Variants in CNTNAP2 observed in about 807,000 individuals in gnomAD.
CNTNAP2 encodes contactin-associated protein-like 2.
CNTNAP2 carries 98 observed loss-of-function variants against 155.2 expected under a neutral mutation model. That is an observed-to-expected ratio of 0.63 (90% CI 0.54 to 0.75). The LOEUF is 0.75. Among genes scored for constraint, CNTNAP2 ranks in the 30% least tolerant of loss-of-function variants. CNTNAP2 has a pLI of 0.00. For missense variants in CNTNAP2, 1,727 were observed against 1,688.1 expected (o/e 1.02, Z -0.40); for synonymous variants, 651 against 631.2 (o/e 1.03, Z -0.47).
chr7:146,398,156 G>A (rs1307388777), intron 1 of CNTNAP2, among the ~76,000 whole-genome samples: 5 of 147,968 alleles, frequency 3.4e-5, no homozygotes, highest in Non-Finnish European at 7.4e-5. Flanking sequence ...AGGGACTATA[G>A]GTGTGAGCAC....
At chr7:146,492,067 G>A (rs1477050234) in intron 1 of CNTNAP2, among the ~76,000 whole-genome samples, 1 of 152,142 alleles carries the variant, frequency 6.6e-6, no homozygotes, top group African/African-American at 2.4e-5. Context: ...GAAACGCAAT[G>A]TCTCTAGAAA....
intron 9 of CNTNAP2, among the ~76,000 whole-genome samples, chr7:147,307,586 A>C (rs1238240737): frequency 7.3e-6 from 1 of 136,516 alleles, no homozygotes; most frequent in Admixed American, 7.3e-5. Flanking sequence ...TCCATACCCC[A>C]CCTGCCCCCC....
rs189254095 is a variant in CNTNAP2 at position 148,403,178 on chromosome 7, C to T, written c.3716-6213C>T. On this transcript the variant is annotated intron_variant, in intron 22 of 23. Transcript: ENST00000361727. ...GTACGTTCCTGGGAGAAGACTCTCCCATCATCAATTCCTCCAGCAATATGT... is the reference window on the plus strand; with the variant it reads ...GTACGTTCCTGGGAGAAGACTCTCCTATCATCAATTCCTCCAGCAATATGT... Among the ~76,000 whole-genome samples, 5 of 150,300 alleles carry T rather than the reference C, an allele frequency of 3.3e-5. No individual in the cohort carries two copies. In the East Asian group the frequency reaches 9.8e-4, roughly 30 times the overall value.
At chr7:147,988,204 G>C (rs899176258) in intron 15 of CNTNAP2, among the ~76,000 whole-genome samples, 2 of 152,154 alleles carry the variant, frequency 1.3e-5, no homozygotes, top group African/African-American at 2.4e-5. Flanking sequence ...TTCATGTTAA[G>C]ATAAAAGATT....
intron 3 of CNTNAP2, among the ~76,000 whole-genome samples, chr7:147,028,037 A>C (rs190578990): frequency 5.6e-4 from 85 of 152,324 alleles, no homozygotes; most frequent in Admixed American, 4.4e-3. Context: ...GGATATGGGA[A>C]TCAGTCTCCA....
intron 13 of CNTNAP2, among the ~76,000 whole-genome samples, chr7:147,792,132 C>T (rs920815432): frequency 8.5e-5 from 13 of 152,164 alleles, no homozygotes; most frequent in African/African-American, 2.4e-4. Context: ...TCTTTCTCCA[C>T]GTATTATAGT....
At position 148,417,600 on chromosome 7, in the gene CNTNAP2, T is replaced by G. The variant is rs1800024395; in HGVS notation, c.*1984T>G. On this transcript the variant is annotated 3_prime_UTR_variant, in exon 24 of 24. Coordinates refer to ENST00000361727, the MANE Select transcript of CNTNAP2 (RefSeq NM_014141.6). ...CAAATGACATATTGAAAGCAAAGGC[T>G]GTTTTATTTAGCCAAGATGATTACC... 6.6e-6 allele frequency: 1 copy of G among 152,386 alleles called. No homozygotes were observed. The highest frequency in any genetic ancestry group is 2.1e-4 in the South Asian group (1 of 4,830). 9.4% of individuals were successfully genotyped at this position (152,386 alleles called of 1,614,324 possible).
chr7:146,370,734 A>G (rs889898825), intron 1 of CNTNAP2, among the ~76,000 whole-genome samples: 1 of 152,164 alleles, frequency 6.6e-6, no homozygotes, highest in African/African-American at 2.4e-5. Flanking sequence ...TAATAAAGAC[A>G]AAGACAAATG....
At chr7:146,397,298 G>A (rs1358082) in intron 1 of CNTNAP2, among the ~76,000 whole-genome samples, 27,185 of 152,046 alleles carry the variant, frequency 0.18, 3,774 homozygotes, top group African/African-American at 0.39. Context: ...TACATTTCCC[G>A]GAGACCACAT....
At chr7:147,534,444 A>G (rs1799505150) in intron 11 of CNTNAP2, among the ~76,000 whole-genome samples, 1 of 152,150 alleles carries the variant, frequency 6.6e-6, no homozygotes, top group Non-Finnish European at 1.5e-5. Flanking sequence ...CCTCCTTAGG[A>G]TACAGAAGAA....
chr7:146,905,186 A>G (rs1000012881), intron 3 of CNTNAP2, among the ~76,000 whole-genome samples: 1 of 151,868 alleles, frequency 6.6e-6, no homozygotes, highest in Non-Finnish European at 1.5e-5. Context: ...ACTTATCAAA[A>G]GTTCCCTGGA....
Position 147,298,854 on chromosome 7 carries a change from A to C in CNTNAP2, c.1349-1287A>C, listed in dbSNP as rs144056192. ...TTTGATTTCTTTCCAACCATTTAGAAAAGTAAAAACCATTCTTAGCTCACA... is the reference window on the plus strand; with the variant it reads ...TTTGATTTCTTTCCAACCATTTAGACAAGTAAAAACCATTCTTAGCTCACA... On this transcript the variant is annotated intron_variant, in intron 8 of 23. Coordinates refer to ENST00000361727, the MANE Select transcript of CNTNAP2 (RefSeq NM_014141.6). Among the ~76,000 whole-genome samples, 258 of 152,338 alleles carry C rather than the reference A, an allele frequency of 1.7e-3. 3 individuals are homozygous for C. Among genetic ancestry groups the C allele is most frequent in the African/African-American group, 5.9e-3 (247 of 41,574 alleles).
At chr7:147,168,321 A>C (rs1247448270) in intron 8 of CNTNAP2, among the ~76,000 whole-genome samples, 2 of 151,850 alleles carry the variant, frequency 1.3e-5, no homozygotes, top group Non-Finnish European at 2.9e-5. Context: ...ATTTAAAATG[A>C]TATTTGGGAA....
chr7:146,800,064 T>C (rs1441044670), intron 2 of CNTNAP2, among the ~76,000 whole-genome samples: 1 of 152,170 alleles, frequency 6.6e-6, no homozygotes, highest in African/African-American at 2.4e-5. Flanking sequence ...GGGAATGCAT[T>C]TGGAATTATT....
At chr7:147,746,547 C>G (rs1406920470) in intron 13 of CNTNAP2, among the ~76,000 whole-genome samples, 1 of 152,056 alleles carries the variant, frequency 6.6e-6, no homozygotes, top group Non-Finnish European at 1.5e-5. Flanking sequence ...GACACAAAAA[C>G]CTGCTCCCAG....
chr7:146,398,274 C>T (rs1036529872), intron 1 of CNTNAP2, among the ~76,000 whole-genome samples: 31 of 147,910 alleles, frequency 2.1e-4, no homozygotes, highest in East Asian at 5.9e-4. Flanking sequence ...AATTGACTCA[C>T]ACTTCCACAG....
chr7:146,889,659 T>A (rs1047760555), intron 3 of CNTNAP2, among the ~76,000 whole-genome samples: 2 of 152,156 alleles, frequency 1.3e-5, no homozygotes, highest in Non-Finnish European at 2.9e-5. Context: ...ATCTAAAATT[T>A]TACTTTTACA....
At chr7:146,551,663 C>G (rs145454960) in intron 1 of CNTNAP2, among the ~76,000 whole-genome samples, 18 of 152,088 alleles carry the variant, frequency 1.2e-4, no homozygotes, top group Non-Finnish European at 2.5e-4. Flanking sequence ...GAAACCCATG[C>G]CTTATCTCTT....
intron 11 of CNTNAP2, among the ~76,000 whole-genome samples, chr7:147,491,921 AT>A (rs1339475453): frequency 2.0e-5 from 3 of 152,204 alleles, no homozygotes; most frequent in East Asian, 3.9e-4. Flanking sequence ...AGCAAAAAAA[AT>A]CTACATATTT....
Sources: allele counts gnomAD v4.1 joint callset (sites outside exome capture counted in the v4.1 genomes callset), GRCh38; gene constraint gnomAD v4.1.1; transcripts MANE v1.5; gene names NCBI Gene and HGNC (gene_info 2026-07-23, HGNC 2026-07-21).